The following GLCCI1 variants were observed in gnomAD, a reference collection of about 807,000 sequenced individuals.
GLCCI1 encodes glucocorticoid-induced transcript 1 protein.
GLCCI1 carries 24 observed loss-of-function variants against 52.2 expected under a neutral mutation model. The observed-to-expected ratio is 0.46, with a 90% confidence interval of 0.33 to 0.65. The LOEUF (loss-of-function observed/expected upper bound fraction) is 0.65, where lower values mean the gene tolerates loss of function less well. Among genes scored for constraint, GLCCI1 ranks in the 30% least tolerant of loss-of-function variants. GLCCI1 has a pLI of 0.02. For missense variants in GLCCI1, 704 were observed against 701.5 expected (o/e 1.00, Z -0.04); for synonymous variants, 310 against 276.5 (o/e 1.12, Z -1.20).
chr7:8,041,364 A>G (rs76360242), intron 3 of GLCCI1, among the ~76,000 whole-genome samples: 71 of 152,340 alleles, frequency 4.7e-4, no homozygotes, highest in African/African-American at 1.7e-3. Context: ...CCATATCTAT[A>G]AAGTGCAAGG....
chr7:7,977,102 G>A (rs770380140), intron 1 of GLCCI1, among the ~76,000 whole-genome samples: 7 of 152,006 alleles, frequency 4.6e-5, no homozygotes, highest in South Asian at 4.2e-4. Flanking sequence ...TGAATAGTCC[G>A]TATAGCTAAT....
intron 3 of GLCCI1, among the ~76,000 whole-genome samples, chr7:8,023,262 G>A (rs995041865): frequency 3.3e-5 from 5 of 152,006 alleles, no homozygotes; most frequent in African/African-American, 7.2e-5. Context: ...TGATCCGCCC[G>A]CCTTGGCCTC....
At chr7:8,019,073 A>C (rs995193813) in intron 2 of GLCCI1, among the ~76,000 whole-genome samples, 1 of 152,222 alleles carries the variant, frequency 6.6e-6, no homozygotes, top group Non-Finnish European at 1.5e-5. Flanking sequence ...CTTCTTAATC[A>C]TCAGCTTTAA....
chr7:7,983,569 A>G (rs868183712), intron 1 of GLCCI1, among the ~76,000 whole-genome samples: 4 of 152,294 alleles, frequency 2.6e-5, no homozygotes, highest in East Asian at 1.9e-4. Flanking sequence ...AGCATCTACT[A>G]TGGTTTCTGG....
intron 3 of GLCCI1, among the ~76,000 whole-genome samples, chr7:8,033,182 A>C (rs1781793803): frequency 6.6e-6 from 1 of 151,954 alleles, no homozygotes; most frequent in Non-Finnish European, 1.5e-5. Context: ...GTCAGATGAA[A>C]CATTTGACAA....
Position 7,969,304 on chromosome 7 carries a change from C to A in GLCCI1, c.-47C>A, listed in dbSNP as rs1354322480. The A allele has an allele frequency of 2.2e-6, 3 of 1,385,868 alleles. No homozygotes were observed. Among genetic ancestry groups the A allele is most frequent in the Non-Finnish European group, 2.8e-6 (3 of 1,062,344 alleles). 85.8% of individuals were successfully genotyped at this position (1,385,868 alleles called of 1,614,324 possible). A position where few individuals can be genotyped will look rare whatever the true frequency, so the allele number is the denominator to read the frequency against. On this transcript the variant is annotated 5_prime_UTR_variant, in exon 1 of 8. Coordinates refer to ENST00000223145, the MANE Select transcript of GLCCI1 (RefSeq NM_138426.4). This position sits in a 1 kb window ranked among gnomAD's most constrained non-coding sequence, Gnocchi z 4.9. ...CCCACACGCTCGCGCGCCTCCCGCC[C>A]CGCGCCTCCGTGTCGGCCGGCGGCG...
intron 2 of GLCCI1, among the ~76,000 whole-genome samples, chr7:8,007,078 G>C (rs1232672435): frequency 6.6e-6 from 1 of 152,162 alleles, no homozygotes; most frequent in Non-Finnish European, 1.5e-5. Context: ...TTATCCCATG[G>C]GGAGGGGCAT....
intron 6 of GLCCI1, among the ~76,000 whole-genome samples, chr7:8,074,958 G>A (rs1464171927): frequency 6.6e-6 from 1 of 152,156 alleles, no homozygotes; most frequent in Non-Finnish European, 1.5e-5. Context: ...ATGGAGGGGA[G>A]AGGGATAGCT....
At chr7:8,069,338 T>C (rs1181461567) in intron 5 of GLCCI1, among the ~76,000 whole-genome samples, 1 of 152,128 alleles carries the variant, frequency 6.6e-6, no homozygotes, top group Non-Finnish European at 1.5e-5. Flanking sequence ...CTTAGGGCCG[T>C]GGCAGCTTGC....
At chr7:7,997,898 G>A (rs38001) in intron 1 of GLCCI1, among the ~76,000 whole-genome samples, 61,896 of 151,248 alleles carry the variant, frequency 0.41, 12,976 homozygotes, top group Middle Eastern at 0.51. Flanking sequence ...CTGTACTCCA[G>A]CCTGGGTGAC....
chr7:8,005,391 C>T (rs1781129083), intron 2 of GLCCI1, among the ~76,000 whole-genome samples: 1 of 152,076 alleles, frequency 6.6e-6, no homozygotes, highest in Admixed American at 6.5e-5. Flanking sequence ...CATCTGAAAG[C>T]AGCAAGAGGA....
At position 8,070,956 on chromosome 7, in the gene GLCCI1, T is replaced by C; in HGVS notation, c.1002T>C (p.Leu334=). 6.2e-7 allele frequency: 1 copy of C among 1,614,180 alleles called. No individual in the cohort carries two copies. Among genetic ancestry groups the C allele is most frequent in the Non-Finnish European group, 8.5e-7 (1 of 1,180,030 alleles). The change falls in exon 6 of 8, where the codon CTT becomes CTC. Residue 334 remains leucine (L), a synonymous_variant. Coordinates refer to ENST00000223145, the MANE Select transcript of GLCCI1 (RefSeq NM_138426.4). ...LDIPDGRRAP[L]PAHYRSSSTR... ...TACCAGATGGTCGAAGAGCTCCACT[T>C]CCTGCTCATTACCGGAGCAGTAGTA...
In GLCCI1 at chr7:8,044,131, G is replaced by C. The variant is rs145361100; in HGVS notation, c.697-11302G>C. ...GGCTAATTTTTTTATATTTTTAGTA[G>C]AGACAGGGTTTCACCATGTTAGCCA... is the stretch of plus-strand genomic sequence containing the variant. On this transcript the variant is annotated intron_variant, in intron 3 of 7. Transcript: ENST00000223145. Among the ~76,000 whole-genome samples the C allele has an allele frequency of 5.6e-3, 847 of 152,040 alleles. 3 individuals are homozygous for C. The highest frequency in any genetic ancestry group is 0.019 in the African/African-American group (791 of 41,480).
chr7:7,980,584 T>C, intron 1 of GLCCI1: 1 of 627,142 alleles, frequency 1.6e-6, no homozygotes, highest in Non-Finnish European at 2.9e-6. Context: ...TGGAGGAGAG[T>C]CTATTTTTGG....
chr7:7,980,916 C>T, intron 1 of GLCCI1: 2 of 606,986 alleles, frequency 3.3e-6, no homozygotes. Context: ...ATTTATTAAT[C>T]CCTGATCAAT....
rs374096760 is a variant in GLCCI1, at chr7:8,023,459, T to A, written c.696+890T>A. On this transcript the variant is annotated intron_variant, in intron 3 of 7. Coordinates refer to ENST00000223145, the MANE Select transcript of GLCCI1 (RefSeq NM_138426.4). The stretch of plus-strand genomic sequence containing the variant: ...GTATATTTTGGATTATTTTTCCTGA[T>A]ACTTTTATCCATCTAAATTCTTTTC... 5.9e-5 allele frequency among the ~76,000 whole-genome samples: 9 copies of A among 152,088 alleles called. No individual in the cohort carries two copies. The East Asian group carries it at 1.2e-3, about 19-fold the overall frequency.
At chr7:8,043,330 G>GC (rs752301593) in intron 3 of GLCCI1, among the ~76,000 whole-genome samples, 1 of 139,536 alleles carries the variant, frequency 7.2e-6, no homozygotes, top group African/African-American at 2.7e-5. Flanking sequence ...CAATGCTGTG[G>GC]TAAAAAAAAA....
At chr7:7,998,066 T>G (rs1358967547) in intron 1 of GLCCI1, among the ~76,000 whole-genome samples, 1 of 151,880 alleles carries the variant, frequency 6.6e-6, no homozygotes, top group Admixed American at 6.6e-5. Context: ...AAATCTACAT[T>G]TAACATATAT....
At chr7:8,068,133 G>A (rs1342013372) in intron 5 of GLCCI1, among the ~76,000 whole-genome samples, 1 of 152,170 alleles carries the variant, frequency 6.6e-6, no homozygotes, top group East Asian at 1.9e-4. Context: ...AGGATCACCT[G>A]AGGTCAGAAG....
Sources: gnomAD v4.1 joint callset for allele counts (sites outside exome capture counted in the v4.1 genomes callset) on GRCh38, gnomAD v4.1.1 for gene constraint, Gnocchi (gnomAD v3.1) non-coding constraint, MANE v1.5 for transcripts, NCBI Gene and HGNC (gene_info 2026-07-23, HGNC 2026-07-21) for gene names.